The following GABRA5 variants were observed in gnomAD, a reference collection of about 807,000 sequenced individuals.
GABRA5 encodes gamma-aminobutyric acid type A receptor subunit alpha5, also known as gamma-aminobutyric acid receptor subunit alpha-5.
In GABRA5, 18 loss-of-function variants were observed where a neutral mutation model predicts 47.3. That is an observed-to-expected ratio of 0.38 (90% confidence interval 0.26 to 0.56). The LOEUF is 0.56. Ranked by LOEUF, GABRA5 falls within the 20% of genes least tolerant of loss-of-function variation. The pLI is 0.71. For missense variants in GABRA5, 365 were observed against 599.3 expected (o/e 0.61, Z 4.08); for synonymous variants, 237 against 229.3 (o/e 1.03, Z -0.30).
intron 6 of GABRA5, among the ~76,000 whole-genome samples, chr15:26,898,601 C>T (rs1286761285): frequency 1.3e-5 from 2 of 152,208 alleles, no homozygotes; most frequent in Non-Finnish European, 2.9e-5. Flanking sequence ...ACCCTGTGGG[C>T]CTTCACATCC....
At position 26,895,577 on chromosome 15, in the gene GABRA5, C is replaced by G. The variant is rs146743567; in HGVS notation, c.497+12020C>G. Among the ~76,000 whole-genome samples the G allele has an allele frequency of 2.5e-3, 382 of 152,016 alleles. 10 individuals are homozygous for G. In the East Asian group the frequency reaches 0.064, roughly 26 times the overall value. ...CCTGTAATCCCAGCACTTTGGGTGG[C>G]CGAAGCTGGCGGATCACGAGGTCAG... On this transcript the variant is annotated intron_variant, in intron 6 of 10. Transcript: ENST00000335625.
At chr15:26,936,585 C>T (rs1894249677) in intron 7 of GABRA5, among the ~76,000 whole-genome samples, 1 of 152,172 alleles carries the variant, frequency 6.6e-6, no homozygotes, top group South Asian at 2.1e-4. Context: ...GTGTCTTTTG[C>T]CAAGTAAGGT....
intron 7 of GABRA5, among the ~76,000 whole-genome samples, chr15:26,932,323 T>A (rs1277636552): frequency 6.6e-6 from 1 of 152,046 alleles, no homozygotes; most frequent in African/African-American, 2.4e-5. Flanking sequence ...AACAGACAAT[T>A]CTCAAAAGAA....
intron 10 of GABRA5, 62 bp from the exon 11 acceptor site, chr15:26,947,872 C>G: frequency 7.0e-7 from 1 of 1,435,918 alleles, no homozygotes; most frequent in Non-Finnish European, 9.5e-7. Context: ...CTTTAGAACT[C>G]CAAGGTGAGC....
At position 26,937,313 on chromosome 15, in the gene GABRA5, A is replaced by C. The variant is rs1180835933; in HGVS notation, c.709A>C (p.Ile237Leu). The change falls in exon 8 of 11, where the codon ATC becomes CTC. Residue 237 changes from isoleucine to leucine, a missense_variant. Ile to Leu is a conservative substitution (Grantham distance 5, BLOSUM62 2). This residue lies in a region of GABRA5 where 216 missense variants were observed against 335.3 expected (regional missense o/e 0.64). Transcript: ENST00000335625. ...LMGQTVGTEN[I>L]STSTGEYTIM... ...GGGGCAGACGGTGGGCACTGAGAAC[A>C]TCAGCACCAGCACAGGTGAGGGCTC... The C allele has an allele frequency of 6.2e-7, 1 of 1,612,296 alleles. No individual in the cohort carries two copies. The highest frequency in any genetic ancestry group is 1.7e-5 in the Admixed American group (1 of 59,892).
chr15:26,877,604 C>A (rs1892629635), intron 3 of GABRA5: 2 of 449,656 alleles, frequency 4.4e-6, no homozygotes, highest in Admixed American at 2.4e-5. Flanking sequence ...AGAAGCACGT[C>A]ACACACTGCC....
chr15:26,946,996 G>A (rs1894527077), intron 10 of GABRA5, among the ~76,000 whole-genome samples: 1 of 152,090 alleles, frequency 6.6e-6, no homozygotes, highest in Non-Finnish European at 1.5e-5. Flanking sequence ...CCTTGTGCTG[G>A]GTGGAAGATA....
At chr15:26,877,873 AGACTGTT>A (rs757238898) in intron 3 of GABRA5, among the ~76,000 whole-genome samples, 3 of 152,224 alleles carry the variant, frequency 2.0e-5, no homozygotes, top group Non-Finnish European at 2.9e-5. Flanking sequence ...GTTATGTCTA[AGACTGTT>A]GTTAGTAATA....
chr15:26,914,745 C>T, intron 6 of GABRA5, 58 bp from the exon 7 acceptor site: 1 of 1,319,940 alleles, frequency 7.6e-7, no homozygotes. Flanking sequence ...ACGATGGTGG[C>T]TCAGTGAATG....
At chr15:26,931,801 A>G (rs1412410478) in intron 7 of GABRA5, among the ~76,000 whole-genome samples, 1 of 152,230 alleles carries the variant, frequency 6.6e-6, no homozygotes, top group East Asian at 1.9e-4. Flanking sequence ...GCCACCGATC[A>G]GTTGTCAAGA....
At chr15:26,910,642 G>A (rs921537469) in intron 6 of GABRA5, among the ~76,000 whole-genome samples, 6 of 151,722 alleles carry the variant, frequency 4.0e-5, no homozygotes, top group Non-Finnish European at 8.8e-5. Flanking sequence ...AAATCAAGAT[G>A]TTCTTCAAAA....
At chr15:26,919,274 T>C (rs1238550302) in intron 7 of GABRA5, among the ~76,000 whole-genome samples, 1 of 152,188 alleles carries the variant, frequency 6.6e-6, no homozygotes, top group East Asian at 1.9e-4. Flanking sequence ...GGATTCACTA[T>C]TGGCATTTTG....
intron 9 of GABRA5, among the ~76,000 whole-genome samples, chr15:26,942,430 G>A (rs1169660685): frequency 6.6e-6 from 1 of 152,224 alleles, no homozygotes; most frequent in Non-Finnish European, 1.5e-5. Context: ...TTTAGATATG[G>A]CGCTTCTGTT....
intron 3 of GABRA5, among the ~76,000 whole-genome samples, chr15:26,879,248 G>A (rs934932844): frequency 6.6e-6 from 1 of 152,214 alleles, no homozygotes; most frequent in African/African-American, 2.4e-5. Flanking sequence ...TGAAGTCCAT[G>A]AGAAGTGCAT....
At chr15:26,933,655 T>C (rs1894162521) in intron 7 of GABRA5, among the ~76,000 whole-genome samples, 1 of 152,206 alleles carries the variant, frequency 6.6e-6, no homozygotes, top group African/African-American at 2.4e-5. Context: ...GGTCTTACTG[T>C]GGCACAGTGA....
At chr15:26,908,597 A>G (rs781672789) in intron 6 of GABRA5, among the ~76,000 whole-genome samples, 6 of 152,248 alleles carry the variant, frequency 3.9e-5, no homozygotes, top group Non-Finnish European at 7.3e-5. Flanking sequence ...TCTCAGGACT[A>G]GACAAAGATC....
Position 26,867,799 on chromosome 15 carries a change from C to G in GABRA5, c.-140+688C>G, listed in dbSNP as rs1351116415. ...GCTCGCGGGGTGGACTCGGACCCCG[C>G]GGGGGTGTCGCGCGCGTGTCGCGCG... On this transcript the variant is annotated intron_variant, in intron 1 of 10. Coordinates refer to ENST00000335625, the MANE Select transcript of GABRA5 (RefSeq NM_000810.4). The surrounding 1 kb of genome is among the most constrained non-coding windows in gnomAD (Gnocchi z 5.9). 1.3e-5 allele frequency: 2 copies of G among 151,998 alleles called. No homozygotes were observed. Among genetic ancestry groups the G allele is most frequent in the Non-Finnish European group, 2.9e-5 (2 of 68,004 alleles). 9.4% of individuals were successfully genotyped at this position (151,998 alleles called of 1,614,324 possible). A position where few individuals can be genotyped will look rare whatever the true frequency, so the allele number is the denominator to read the frequency against.
chr15:26,909,475 A>G (rs962957820), intron 6 of GABRA5, among the ~76,000 whole-genome samples: 2 of 152,312 alleles, frequency 1.3e-5, no homozygotes, highest in Non-Finnish European at 2.9e-5. Flanking sequence ...TTTTGGCTTA[A>G]AACACAACAA....
intron 8 of GABRA5, among the ~76,000 whole-genome samples, chr15:26,939,039 C>T (rs1338455022): frequency 6.6e-6 from 1 of 152,212 alleles, no homozygotes; most frequent in Non-Finnish European, 1.5e-5. Context: ...CTGTTCTCCC[C>T]ACGTTCACAG....
Sources: allele counts gnomAD v4.1 joint callset (sites outside exome capture counted in the v4.1 genomes callset), GRCh38; gene constraint gnomAD v4.1.1; regional missense constraint gnomAD v4.1.1; non-coding constraint Gnocchi (gnomAD v3.1); transcripts MANE v1.5; gene names NCBI Gene and HGNC (gene_info 2026-07-23, HGNC 2026-07-21).